Variants in OSBP2 observed in about 807,000 individuals in gnomAD.
OSBP2 encodes oxysterol-binding protein 2.
Under a neutral mutation model 96.0 loss-of-function variants are expected in OSBP2, and 66 were observed. The observed-to-expected ratio is 0.69, with a 90% confidence interval of 0.56 to 0.84. The LOEUF (loss-of-function observed/expected upper bound fraction) is 0.84, where lower values mean the gene tolerates loss of function less well. Ranked by LOEUF, OSBP2 falls within the 40% of genes least tolerant of loss-of-function variation. The pLI is 0.00. For missense variants in OSBP2, 1,038 were observed against 1,222.7 expected, an observed-to-expected ratio of 0.85 and a Z score of 2.25; for synonymous variants, 525 against 520.9, an observed-to-expected ratio of 1.01 and a Z score of -0.11.
intron 2 of OSBP2, chr22:30,822,857 C>T (rs1293035778): frequency 1.5e-6 from 1 of 660,284 alleles, no homozygotes; most frequent in Admixed American, 3.5e-5. Context: ...CTCGGGGAAC[C>T]CCTGTCCCCG....
intron 2 of OSBP2, among the ~76,000 whole-genome samples, chr22:30,843,798 T>G (rs1424217838): frequency 2.0e-5 from 3 of 151,796 alleles, no homozygotes; most frequent in South Asian, 2.1e-4. Context: ...AGCCCAGGAG[T>G]TGGAGGTTGC....
In OSBP2 at chr22:30,870,475, C is replaced by T. The variant is rs370995568; in HGVS notation, c.900C>T (p.Ser300=). ...AGGCTACCACCCCAGCCGACAAGAG[C>T]GAGCTGCACCACACCCTGAAGAATC... ...DDEATTPADK[S]ELHHTLKNLS... The change falls in exon 3 of 14, where the codon AGC becomes AGT. Residue 300 remains serine, a synonymous_variant. Transcript: ENST00000332585. This position sits in a 1 kb window ranked among gnomAD's most constrained non-coding sequence, Gnocchi z 4.1. 157 of 1,613,916 alleles carry T rather than the reference C, an allele frequency of 9.7e-5. No homozygotes were observed. Among genetic ancestry groups the T allele is most frequent in the Non-Finnish European group, 1.2e-4 (144 of 1,180,008 alleles).
chr22:30,694,425 G>A (rs2088981412), upstream of OSBP2: 10 of 1,422,364 alleles, frequency 7.0e-6, no homozygotes, highest in South Asian at 1.5e-5. Flanking sequence ...TGGCCTCTGG[G>A]TGCCGTACCT....
intron 2 of OSBP2, among the ~76,000 whole-genome samples, chr22:30,773,451 GCACTGAT>G (rs1354512254): frequency 1.3e-5 from 2 of 152,132 alleles, no homozygotes; most frequent in Non-Finnish European, 2.9e-5. Flanking sequence ...CACCCTAGTT[GCACTGAT>G]TATTCACCTG....
intron 2 of OSBP2, among the ~76,000 whole-genome samples, chr22:30,795,103 G>T (rs1351636002): frequency 6.6e-6 from 1 of 151,726 alleles, no homozygotes; most frequent in Non-Finnish European, 1.5e-5. Context: ...GTAGAGATGG[G>T]ATCTCATCGT....
At chr22:30,840,249 C>A (rs2038722222) in intron 2 of OSBP2, among the ~76,000 whole-genome samples, 2 of 139,680 alleles carry the variant, frequency 1.4e-5, no homozygotes, top group African/African-American at 2.6e-5. Flanking sequence ...CATCTTGTTG[C>A]AAACAAACCC....
chr22:30,766,259 T>C (rs1166823556), intron 2 of OSBP2, among the ~76,000 whole-genome samples: 2 of 152,120 alleles, frequency 1.3e-5, no homozygotes, highest in Non-Finnish European at 2.9e-5. Context: ...GTGAAGGGTA[T>C]GGCTCATGGA....
chr22:30,772,411 T>C (rs1448042336), intron 2 of OSBP2, among the ~76,000 whole-genome samples: 1 of 152,236 alleles, frequency 6.6e-6, no homozygotes, highest in Non-Finnish European at 1.5e-5. Context: ...AGCCCATCTT[T>C]CCTTGTCTCT....
chr22:30,812,892 C>T (rs1318790995), intron 2 of OSBP2, among the ~76,000 whole-genome samples: 1 of 152,092 alleles, frequency 6.6e-6, no homozygotes. Context: ...ATTTACCCAT[C>T]GTGTGTATTT....
At chr22:30,855,387 C>A (rs2147070985) in intron 2 of OSBP2, among the ~76,000 whole-genome samples, 1 of 152,202 alleles carries the variant, frequency 6.6e-6, no homozygotes, top group East Asian at 1.9e-4. Context: ...CCTCACAGAA[C>A]CTTAGCACCC....
chr22:30,715,177 A>G (rs1475004014), intron 1 of OSBP2, among the ~76,000 whole-genome samples: 1 of 151,992 alleles, frequency 6.6e-6, no homozygotes, highest in Non-Finnish European at 1.5e-5. Context: ...GATTACAGGC[A>G]TGGGCTACTG....
rs535000538 is a variant in OSBP2 at position 30,828,803 on chromosome 22, G to A, written c.854-41626G>A. Among the ~76,000 whole-genome samples the A allele has an allele frequency of 7.9e-5, 12 of 152,290 alleles. No homozygotes were observed. The South Asian group carries it at 2.5e-3, about 32-fold the overall frequency. On this transcript the variant is annotated intron_variant, in intron 2 of 13. Coordinates refer to ENST00000332585, the MANE Select transcript of OSBP2 (RefSeq NM_030758.4). ...AGGAGAGGAGACGGGGGAGAGGTGGGCAGAGCAGGCTTCCCCCAGTGCTTG... is the reference window on the plus strand; with the variant it reads ...AGGAGAGGAGACGGGGGAGAGGTGGACAGAGCAGGCTTCCCCCAGTGCTTG...
At chr22:30,756,699 A>AAAAC (rs772583941) in intron 2 of OSBP2, among the ~76,000 whole-genome samples, 28 of 152,022 alleles carry the variant, frequency 1.8e-4, no homozygotes, top group Non-Finnish European at 3.8e-4. Flanking sequence ...TTAAAAAAAC[A>AAAAC]AAACAAACAA....
At chr22:30,753,964 T>C (rs1230609282) in intron 2 of OSBP2, among the ~76,000 whole-genome samples, 2 of 152,178 alleles carry the variant, frequency 1.3e-5, no homozygotes, top group African/African-American at 4.8e-5. Flanking sequence ...ACCTGTGTAT[T>C]TGGGGCTGGA....
At chr22:30,744,342 C>T (rs989242576) in intron 2 of OSBP2, among the ~76,000 whole-genome samples, 1 of 152,122 alleles carries the variant, frequency 6.6e-6, no homozygotes, top group Non-Finnish European at 1.5e-5. Flanking sequence ...TGATGGTGGC[C>T]AGCTGGGTCA....
At chr22:30,714,840 T>C (rs1025542564) in intron 1 of OSBP2, among the ~76,000 whole-genome samples, 1 of 152,182 alleles carries the variant, frequency 6.6e-6, no homozygotes, top group Non-Finnish European at 1.5e-5. Context: ...GGCCTTGAAT[T>C]CTTGACCTCA....
intron 3 of OSBP2, among the ~76,000 whole-genome samples, chr22:30,876,804 G>T (rs932194744): frequency 6.6e-6 from 1 of 152,166 alleles, no homozygotes. Flanking sequence ...GGAGACCAAG[G>T]CTGAGGGGCT....
chr22:30,851,779 T>C (rs959707410), intron 2 of OSBP2, among the ~76,000 whole-genome samples: 1 of 152,168 alleles, frequency 6.6e-6, no homozygotes, highest in African/African-American at 2.4e-5. Context: ...TTAAGTATGA[T>C]GATAACTGTA....
At chr22:30,859,938 C>A (rs1177764448) in intron 2 of OSBP2, among the ~76,000 whole-genome samples, 1 of 152,100 alleles carries the variant, frequency 6.6e-6, no homozygotes, top group Non-Finnish European at 1.5e-5. Flanking sequence ...CCGCCCCCGG[C>A]CCCTCTCTGC....
Sources: gnomAD v4.1 joint callset for allele counts (sites outside exome capture counted in the v4.1 genomes callset) on GRCh38, gnomAD v4.1.1 for gene constraint, Gnocchi (gnomAD v3.1) non-coding constraint, MANE v1.5 for transcripts, NCBI Gene and HGNC (gene_info 2026-07-23, HGNC 2026-07-21) for gene names.